The following NMNAT1 variants were observed in gnomAD, a reference collection of about 807,000 sequenced individuals.
NMNAT1 encodes nicotinamide nucleotide adenylyltransferase 1.
Under a neutral mutation model 16.7 loss-of-function variants are expected in NMNAT1, and 11 were observed. That is an observed-to-expected ratio of 0.66 (90% confidence interval 0.41 to 1.09). The LOEUF (loss-of-function observed/expected upper bound fraction) is 1.09, where lower values mean the gene tolerates loss of function less well. NMNAT1 is among the 50% of genes least tolerant of loss of function. NMNAT1 has a pLI of 0.00. For synonymous variants in NMNAT1, 110 were observed against 119.8 expected, an observed-to-expected ratio of 0.92 and a Z score of 0.53; for missense variants, 280 against 332.3, an observed-to-expected ratio of 0.84 and a Z score of 1.22.
intron 3 of NMNAT1, among the ~76,000 whole-genome samples, chr1:9,980,154 A>G (rs928247489): frequency 1.3e-5 from 2 of 150,936 alleles, no homozygotes; most frequent in African/African-American, 4.9e-5. Context: ...TGTGTCTCGA[A>G]CTCCTGACCT....
chr1:9,990,556 T>C, the NMNAT1 span, among the ~76,000 whole-genome samples: 2 of 152,238 alleles, frequency 1.3e-5, no homozygotes, highest in Non-Finnish European at 1.5e-5. Flanking sequence ...TTTAGCCTGA[T>C]ACTAATCCAG....
At chr1:9,959,776 AT>A (rs760254766) in intron 1 of NMNAT1, among the ~76,000 whole-genome samples, 97 of 152,310 alleles carry the variant, frequency 6.4e-4, no homozygotes, top group Non-Finnish European at 1.2e-3. Flanking sequence ...TGATTATTTT[AT>A]TAATTGGGTT....
At chr1:9,976,882 C>T (rs949665799) in intron 3 of NMNAT1, among the ~76,000 whole-genome samples, 1 of 151,042 alleles carries the variant, frequency 6.6e-6, no homozygotes, top group Non-Finnish European at 1.5e-5. Context: ...CTGTCTCAGC[C>T]TCCCAACACC....
At chr1:9,969,981 C>T (rs1369775221) in intron 1 of NMNAT1, among the ~76,000 whole-genome samples, 3 of 152,010 alleles carry the variant, frequency 2.0e-5, no homozygotes, top group Non-Finnish European at 4.4e-5. Context: ...TTACATGCTT[C>T]AAGACAGGAA....
intron 2 of NMNAT1, among the ~76,000 whole-genome samples, chr1:9,972,917 C>T (rs2101694946): frequency 6.6e-6 from 1 of 152,228 alleles, no homozygotes; most frequent in African/African-American, 2.4e-5. Flanking sequence ...GCCATGATTG[C>T]ACCTTTGCCC....
chr1:9,989,387 G>A (rs1181276553), downstream of NMNAT1, among the ~76,000 whole-genome samples: 3 of 152,038 alleles, frequency 2.0e-5, no homozygotes, highest in Non-Finnish European at 2.9e-5. Flanking sequence ...CAACCCAGGA[G>A]GCGGAGGTTG....
At chr1:9,976,626 T>C (rs900296459) in intron 3 of NMNAT1, among the ~76,000 whole-genome samples, 11 of 149,108 alleles carry the variant, frequency 7.4e-5, no homozygotes, top group Admixed American at 1.3e-4. Flanking sequence ...TTATTTCTCT[T>C]TTTTTTTTTT....
chr1:9,979,519 G>A (rs1641888837), intron 3 of NMNAT1, among the ~76,000 whole-genome samples: 2 of 152,054 alleles, frequency 1.3e-5, no homozygotes, highest in Non-Finnish European at 2.9e-5. Context: ...TTGTTATTGA[G>A]GCTGGGCGCA....
At chr1:9,943,119 G>A, upstream of NMNAT1, 1 of 176,848 alleles carries the variant, frequency 5.7e-6, no homozygotes, top group Admixed American at 5.6e-5. Flanking sequence ...GGCCACCGCA[G>A]CAAATCCCAC....
intron 1 of NMNAT1, among the ~76,000 whole-genome samples, chr1:9,947,795 G>A (rs1040582100): frequency 6.6e-6 from 1 of 152,124 alleles, no homozygotes; most frequent in Non-Finnish European, 1.5e-5. Flanking sequence ...TCAGGGCCAG[G>A]TCAGCATCAC....
intron 2 of NMNAT1, among the ~76,000 whole-genome samples, chr1:9,974,537 C>T (rs914174255): frequency 2.6e-5 from 4 of 151,906 alleles, no homozygotes; most frequent in East Asian, 1.9e-4. Context: ...TACAGGTGCC[C>T]GCCACCATGC....
chr1:9,962,398 C>T (rs1641435889), intron 1 of NMNAT1, among the ~76,000 whole-genome samples: 1 of 150,116 alleles, frequency 6.7e-6, no homozygotes, highest in Non-Finnish European at 1.5e-5. Context: ...AGGAGAATGG[C>T]GTGAACCCGG....
intron 1 of NMNAT1, among the ~76,000 whole-genome samples, chr1:9,951,595 C>T (rs1641112501): frequency 6.6e-6 from 1 of 152,140 alleles, no homozygotes; most frequent in Admixed American, 6.6e-5. Flanking sequence ...CTGCCTCAGC[C>T]TCCCAAGTAG....
intron 1 of NMNAT1, among the ~76,000 whole-genome samples, chr1:9,960,192 G>A (rs1641370212): frequency 6.6e-6 from 1 of 152,086 alleles, no homozygotes. Context: ...GGCTGAGGTG[G>A]GAGGATCTCT....
chr1:9,965,085 G>A lies in NMNAT1; in HGVS notation c.-56-6933G>A, dbSNP rs1308865677. Among the ~76,000 whole-genome samples, 7 of 151,970 alleles carry A rather than the reference G, an allele frequency of 4.6e-5. No homozygotes were observed. The East Asian group carries it at 7.8e-4, about 17-fold the overall frequency. On this transcript the variant is annotated intron_variant, in intron 1 of 4. Transcript: ENST00000377205. Reference sequence around the variant, plus strand: ...TGTAATTCCAGCACTTTGGGAGGCCGAGGCGGGTGGATCACCAGGTCAAGA... The same window carrying A: ...TGTAATTCCAGCACTTTGGGAGGCCAAGGCGGGTGGATCACCAGGTCAAGA...
downstream of NMNAT1, among the ~76,000 whole-genome samples, chr1:9,988,458 T>G (rs1400774641): frequency 6.6e-6 from 1 of 151,894 alleles, no homozygotes; most frequent in East Asian, 2.0e-4. Flanking sequence ...CCCAGCACTT[T>G]GGGAGGCCAA....
chr1:9,957,304 C>T lies in NMNAT1; in HGVS notation c.-57+13789C>T, dbSNP rs1403526933. Among the ~76,000 whole-genome samples, 5 of 152,190 alleles carry T rather than the reference C, an allele frequency of 3.3e-5. No individual in the cohort carries two copies. The South Asian group carries it at 6.2e-4, about 19-fold the overall frequency. On this transcript the variant is annotated intron_variant, in intron 1 of 4. Transcript: ENST00000377205. Reference sequence around the variant, plus strand: ...TCAGCCTCCCAAAGTGCTGGGATTACAGGTGTGAGCCACCGTGCCCAGTCT... The same window carrying T: ...TCAGCCTCCCAAAGTGCTGGGATTATAGGTGTGAGCCACCGTGCCCAGTCT...
the NMNAT1 span, among the ~76,000 whole-genome samples, chr1:9,994,301 C>G: frequency 6.6e-6 from 1 of 151,408 alleles, no homozygotes; most frequent in African/African-American, 2.4e-5. Flanking sequence ...TTAGTAGAGA[C>G]GGGGTTTCAC....
chr1:9,972,803 T>C (rs1339681240), intron 2 of NMNAT1, among the ~76,000 whole-genome samples: 1 of 151,834 alleles, frequency 6.6e-6, no homozygotes, highest in Non-Finnish European at 1.5e-5. Context: ...ACAAAAAAAA[T>C]TGTAAACATT....
Sources: gnomAD v4.1 joint callset for allele counts (sites outside exome capture counted in the v4.1 genomes callset) on GRCh38, gnomAD v4.1.1 for gene constraint, MANE v1.5 for transcripts, NCBI Gene and HGNC (gene_info 2026-07-23, HGNC 2026-07-21) for gene names.